Variants in ZBTB20 observed in about 807,000 individuals in gnomAD.
The protein encoded by ZBTB20 is zinc finger and BTB domain-containing protein 20.
ZBTB20 carries 9 observed loss-of-function variants against 56.9 expected under a neutral mutation model. The observed-to-expected ratio is 0.16, with a 90% CI of 0.10 to 0.28. The LOEUF (loss-of-function observed/expected upper bound fraction) is 0.28. Among genes scored for constraint, ZBTB20 ranks in the 10% least tolerant of loss-of-function variants. The pLI is 1.00. For synonymous variants in ZBTB20, 417 were observed against 420.7 expected (o/e 0.99, Z 0.11); for missense variants, 655 against 1,003.0 (o/e 0.65, Z 4.69).
chr3:114,464,883 G>A (rs1576907026), intron 7 of ZBTB20, among the ~76,000 whole-genome samples: 2 of 152,038 alleles, frequency 1.3e-5, no homozygotes, highest in African/African-American at 4.8e-5. Context: ...ACAATAACAG[G>A]ACTAAATGCA....
At chr3:114,343,004 G>A (rs1304694827) in intron 11 of ZBTB20, among the ~76,000 whole-genome samples, 2 of 152,118 alleles carry the variant, frequency 1.3e-5, no homozygotes, top group Non-Finnish European at 1.5e-5. Flanking sequence ...AAACTGAGGG[G>A]GAGGCAGTGC....
intron 5 of ZBTB20, among the ~76,000 whole-genome samples, chr3:114,707,752 A>C (rs1413413961): frequency 6.6e-6 from 1 of 152,156 alleles, no homozygotes; most frequent in Non-Finnish European, 1.5e-5. Context: ...AGTTCTCTAT[A>C]TTATTCTGGA....
intron 5 of ZBTB20, among the ~76,000 whole-genome samples, chr3:114,771,289 A>C (rs1162080972): frequency 6.6e-6 from 1 of 152,222 alleles, no homozygotes; most frequent in Non-Finnish European, 1.5e-5. Context: ...AAAAAATATA[A>C]ACATACATAT....
intron 1 of ZBTB20, among the ~76,000 whole-genome samples, chr3:115,111,748 T>C (rs1448379876): frequency 1.3e-5 from 2 of 152,178 alleles, no homozygotes; most frequent in Admixed American, 1.3e-4. Context: ...AAATAATAAA[T>C]TAGAGAAGTT....
chr3:115,043,401 AC>A (rs1485316347), intron 2 of ZBTB20, among the ~76,000 whole-genome samples: 3 of 149,752 alleles, frequency 2.0e-5, no homozygotes, highest in African/African-American at 7.3e-5. Flanking sequence ...TCTACTAAAA[AC>A]TAAAAAAAAA....
chr3:114,695,806 T>G (rs1367355038), intron 5 of ZBTB20, among the ~76,000 whole-genome samples: 1 of 152,158 alleles, frequency 6.6e-6, no homozygotes, highest in East Asian at 1.9e-4. Context: ...GGCACCTACA[T>G]GCAAAACTGC....
At chr3:114,836,259 A>T (rs2074115321) in intron 4 of ZBTB20, among the ~76,000 whole-genome samples, 1 of 152,204 alleles carries the variant, frequency 6.6e-6, no homozygotes, top group East Asian at 1.9e-4. Flanking sequence ...TATAAGAGAT[A>T]TTTTGTCTGA....
At chr3:114,903,529 T>C (rs549078416) in intron 3 of ZBTB20, among the ~76,000 whole-genome samples, 1 of 152,140 alleles carries the variant, frequency 6.6e-6, no homozygotes, top group Admixed American at 6.6e-5. Flanking sequence ...CACAGAACAT[T>C]TCTGAATCAG....
intron 6 of ZBTB20, among the ~76,000 whole-genome samples, chr3:114,504,414 A>C (rs931371656): frequency 6.6e-6 from 1 of 152,202 alleles, no homozygotes; most frequent in African/African-American, 2.4e-5. Flanking sequence ...AAAAGCCACA[A>C]AATAAATAGT....
Position 114,339,687 on chromosome 3 carries a change from G to T in ZBTB20, c.1805-261C>A, listed in dbSNP as rs2079616599. Among the ~76,000 whole-genome samples, 1 of 152,158 alleles carries T rather than the reference G, an allele frequency of 6.6e-6. No individual in the cohort carries two copies. Among genetic ancestry groups the T allele is most frequent in the South Asian group, 2.1e-4 (1 of 4,830 alleles). Reference sequence around the variant, plus strand: ...TGCCATAAAACGGCTTTCTTGGAAAGCTACCAGATATTCCCCACTAAAAGT... The same window carrying T: ...TGCCATAAAACGGCTTTCTTGGAAATCTACCAGATATTCCCCACTAAAAGT... On this transcript the variant is annotated intron_variant, in intron 11 of 11. Coordinates refer to ENST00000675478, the MANE Select transcript of ZBTB20 (RefSeq NM_001348800.3). The surrounding 1 kb of genome is among the most constrained non-coding windows in gnomAD (Gnocchi z 4.2).
rs568346612 is a variant in ZBTB20, at chr3:115,006,007, T to C, written c.-506-31591A>G. Among the ~76,000 whole-genome samples the C allele has an allele frequency of 2.6e-3, 391 of 151,828 alleles. 2 individuals carry two copies. Among genetic ancestry groups the C allele is most frequent in the African/African-American group, 9.2e-3 (383 of 41,486 alleles). On this transcript the variant is annotated intron_variant, in intron 2 of 11. Coordinates refer to ENST00000675478, the MANE Select transcript of ZBTB20 (RefSeq NM_001348800.3). ...GTTCCTAGACATTGCCAAATGTTTT[T>C]TTTTTCTTTTTTCTTTTTTGTTATT...
At chr3:114,553,310 G>A (rs925361967) in intron 6 of ZBTB20, among the ~76,000 whole-genome samples, 2 of 152,088 alleles carry the variant, frequency 1.3e-5, no homozygotes, top group African/African-American at 4.8e-5. Context: ...ATGTACATTA[G>A]GCAATTTTGT....
intron 3 of ZBTB20, among the ~76,000 whole-genome samples, chr3:114,947,056 A>G (rs1211756861): frequency 6.8e-6 from 1 of 146,122 alleles, no homozygotes; most frequent in Non-Finnish European, 1.5e-5. Context: ...CATATAAAAA[A>G]AAAAGCTCAA....
At chr3:114,341,821 A>C (rs1469900898) in intron 11 of ZBTB20, among the ~76,000 whole-genome samples, 1 of 152,204 alleles carries the variant, frequency 6.6e-6, no homozygotes, top group East Asian at 1.9e-4. Flanking sequence ...TTGTGGATTT[A>C]GTGGTCCTGA....
At chr3:114,859,977 T>C (rs1222289873) in intron 4 of ZBTB20, among the ~76,000 whole-genome samples, 1 of 152,200 alleles carries the variant, frequency 6.6e-6, no homozygotes, top group African/African-American at 2.4e-5. Flanking sequence ...TTTCTATTTT[T>C]ATAGGTGTTT....
chr3:114,640,344 T>C (rs558215564), intron 6 of ZBTB20, among the ~76,000 whole-genome samples: 1 of 152,226 alleles, frequency 6.6e-6, no homozygotes, highest in South Asian at 2.1e-4. Context: ...CTTGAATGAA[T>C]GCACCAGCAT....
At chr3:114,718,639 C>A (rs550547648) in intron 5 of ZBTB20, among the ~76,000 whole-genome samples, 4 of 152,064 alleles carry the variant, frequency 2.6e-5, no homozygotes, top group Admixed American at 1.3e-4. Flanking sequence ...GGAGAGAATC[C>A]CAATAACTTC....
At chr3:115,111,042 AAAT>A (rs2083866616) in intron 1 of ZBTB20, among the ~76,000 whole-genome samples, 3 of 150,692 alleles carry the variant, frequency 2.0e-5, no homozygotes, top group Admixed American at 6.6e-5. Context: ...ATAAATAAAT[AAAT>A]AAAAATAAAA....
At chr3:114,708,895 C>CA (rs1344874167) in intron 5 of ZBTB20, among the ~76,000 whole-genome samples, 5 of 152,048 alleles carry the variant, frequency 3.3e-5, no homozygotes, top group African/African-American at 1.2e-4. Context: ...AATAAAAGCA[C>CA]ATTTATTTCA....
Sources: allele counts gnomAD v4.1 joint callset (sites outside exome capture counted in the v4.1 genomes callset), GRCh38; gene constraint gnomAD v4.1.1; non-coding constraint Gnocchi (gnomAD v3.1); transcripts MANE v1.5; gene names NCBI Gene and HGNC (gene_info 2026-07-23, HGNC 2026-07-21).